The following PLEKHM3 variants were observed in gnomAD, a reference collection of about 807,000 sequenced individuals.
The protein encoded by PLEKHM3 is pleckstrin homology domain-containing family M member 3.
Under a neutral mutation model 81.8 loss-of-function variants are expected in PLEKHM3, and 45 were observed. The ratio of observed to expected loss-of-function variants is 0.55; its 90% CI spans 0.43 to 0.71. The LOEUF (loss-of-function observed/expected upper bound fraction) is 0.71. Among genes scored for constraint, PLEKHM3 ranks in the 30% least tolerant of loss-of-function variants. The pLI is 0.00. For synonymous variants in PLEKHM3, 352 were observed against 356.4 expected (o/e 0.99, Z 0.14); for missense variants, 788 against 924.3 (o/e 0.85, Z 1.91).
At chr2:207,971,396 T>G (rs1158862692) in intron 3 of PLEKHM3, among the ~76,000 whole-genome samples, 1 of 152,178 alleles carries the variant, frequency 6.6e-6, no homozygotes, top group Non-Finnish European at 1.5e-5. Flanking sequence ...ATACGTAGTT[T>G]CAAATACCTA....
chr2:207,894,538 T>C (rs1263153907), intron 6 of PLEKHM3, among the ~76,000 whole-genome samples: 5 of 125,868 alleles, frequency 4.0e-5, no homozygotes, highest in South Asian at 2.4e-4. Context: ...TGGAAAGACA[T>C]GGTAGAGTTT....
chr2:207,998,038 T>G (rs1692176852), intron 2 of PLEKHM3, among the ~76,000 whole-genome samples: 1 of 152,228 alleles, frequency 6.6e-6, no homozygotes, highest in Non-Finnish European at 1.5e-5. Flanking sequence ...TGATCAGCCA[T>G]GCAATCTAGA....
At chr2:208,018,537 T>C (rs2106126880) in intron 1 of PLEKHM3, among the ~76,000 whole-genome samples, 1 of 152,112 alleles carries the variant, frequency 6.6e-6, no homozygotes, top group East Asian at 1.9e-4. Flanking sequence ...AAAATAAACA[T>C]CATTCTTGAT....
Position 207,858,531 on chromosome 2 carries a change from G to A in PLEKHM3, c.2108+2574C>T, listed in dbSNP as rs997452738. On this transcript the variant is annotated intron_variant, in intron 7 of 7. Coordinates refer to ENST00000427836, the MANE Select transcript of PLEKHM3 (RefSeq NM_001080475.3). ...GTTTTGCTGTTGCCCAGCCTGGAGT[G>A]CAGTGAGTGGCATGATCTCTGCTCA... 2.0e-5 allele frequency among the ~76,000 whole-genome samples: 3 copies of A among 150,760 alleles called. No homozygotes were observed. In the South Asian group the frequency reaches 6.3e-4, roughly 32 times the overall value.
intron 6 of PLEKHM3, among the ~76,000 whole-genome samples, chr2:207,903,841 G>T (rs1688520001): frequency 6.6e-6 from 1 of 152,240 alleles, no homozygotes; most frequent in African/African-American, 2.4e-5. Flanking sequence ...GACGCCAAAA[G>T]TTAAGGCATT....
At chr2:207,858,898 A>ACAT (rs1312797305) in intron 7 of PLEKHM3, among the ~76,000 whole-genome samples, 1 of 152,052 alleles carries the variant, frequency 6.6e-6, no homozygotes, top group Non-Finnish European at 1.5e-5. Flanking sequence ...CCACAATCTA[A>ACAT]TTCCAGAACA....
At position 207,893,387 on chromosome 2, in the gene PLEKHM3, C is replaced by G. The variant is rs1574378975; in HGVS notation, c.1950+15127G>C. Reference sequence around the variant, plus strand: ...GACCACTGACTAAAAGCTGAGTGGTCAACAATTTGTTAAATTATACACACA... The same window carrying G: ...GACCACTGACTAAAAGCTGAGTGGTGAACAATTTGTTAAATTATACACACA... On this transcript the variant is annotated intron_variant, in intron 6 of 7. Coordinates refer to ENST00000427836, the MANE Select transcript of PLEKHM3 (RefSeq NM_001080475.3). Among the ~76,000 whole-genome samples the G allele has an allele frequency of 2.0e-5, 3 of 152,102 alleles. 1 individual carries two copies. The East Asian group carries it at 5.8e-4, about 29-fold the overall frequency.
intron 7 of PLEKHM3, among the ~76,000 whole-genome samples, chr2:207,840,715 C>T (rs776475647): frequency 6.6e-6 from 1 of 151,382 alleles, no homozygotes; most frequent in East Asian, 1.9e-4. Flanking sequence ...ATCAATACTT[C>T]GTCATGTGTT....
chr2:207,857,883 C>CT (rs540460795), intron 7 of PLEKHM3, among the ~76,000 whole-genome samples: 5 of 150,210 alleles, frequency 3.3e-5, no homozygotes, highest in East Asian at 2.0e-4. Flanking sequence ...TTAGTTTGCT[C>CT]TTTTTTTTAT....
chr2:207,984,189 TTTTA>T (rs1691636957), intron 2 of PLEKHM3, among the ~76,000 whole-genome samples: 1 of 152,250 alleles, frequency 6.6e-6, no homozygotes, highest in African/African-American at 2.4e-5. Flanking sequence ...AACTCTTGTT[TTTTA>T]TTTGTTTTTC....
At position 207,822,084 on chromosome 2, in the gene PLEKHM3, C is replaced by T. The variant is rs1157447960; in HGVS notation, c.*6235G>A. On this transcript the variant is annotated 3_prime_UTR_variant, in exon 8 of 8. Transcript: ENST00000427836. ...ACTTCAGCCTCCCAAATAGCTGGGACTGTAGGCACATGCCACCATGCCCAG... is the reference window on the plus strand; with the variant it reads ...ACTTCAGCCTCCCAAATAGCTGGGATTGTAGGCACATGCCACCATGCCCAG... The T allele has an allele frequency of 1.3e-5, 2 of 152,286 alleles. No individual in the cohort carries two copies. The highest frequency in any genetic ancestry group is 2.9e-5 in the Non-Finnish European group (2 of 68,120). The allele number at this position is 152,286 out of a possible 1,614,324, so 9.4% of individuals were successfully genotyped here. A position where few individuals can be genotyped will look rare whatever the true frequency, so the allele number is the denominator to read the frequency against.
intron 6 of PLEKHM3, among the ~76,000 whole-genome samples, chr2:207,906,299 T>C (rs1465652961): frequency 6.6e-6 from 1 of 152,204 alleles, no homozygotes; most frequent in East Asian, 1.9e-4. Flanking sequence ...TAAGTAAAAA[T>C]ATACCCCTTT....
At chr2:207,924,738 C>A (rs1205870525) in intron 5 of PLEKHM3, among the ~76,000 whole-genome samples, 1 of 152,118 alleles carries the variant, frequency 6.6e-6, no homozygotes, top group African/African-American at 2.4e-5. Context: ...AACCAAGTGC[C>A]CTGAGAAAGG....
intron 7 of PLEKHM3, among the ~76,000 whole-genome samples, chr2:207,842,584 A>G (rs1354492393): frequency 7.3e-6 from 1 of 136,208 alleles, no homozygotes; most frequent in African/African-American, 3.4e-5. Flanking sequence ...ATTAACATTG[A>G]AGGAGGGAAG....
chr2:207,828,181 A>G lies in PLEKHM3; in HGVS notation c.*138T>C, dbSNP rs1158895546. On this transcript the variant is annotated 3_prime_UTR_variant, in exon 8 of 8. Transcript: ENST00000427836. ...ACGTATAGGTATTTGCGTATATATA[A>G]ATAAATATATATATCTATATCTAGT... 7.8e-6 allele frequency: 5 copies of G among 644,566 alleles called. No homozygotes were observed. In the East Asian group the frequency reaches 1.6e-4, roughly 20 times the overall value. 39.9% of individuals were successfully genotyped at this position (644,566 alleles called of 1,614,324 possible).
chr2:207,970,583 G>T (rs546498575), intron 3 of PLEKHM3, among the ~76,000 whole-genome samples: 1 of 152,298 alleles, frequency 6.6e-6, no homozygotes, highest in African/African-American at 2.4e-5. Flanking sequence ...ACAAGAGAGG[G>T]TTATTACTGT....
At chr2:207,887,051 C>G (rs1397696975) in intron 6 of PLEKHM3, among the ~76,000 whole-genome samples, 1 of 152,088 alleles carries the variant, frequency 6.6e-6, no homozygotes, top group Non-Finnish European at 1.5e-5. Context: ...ACCCTTAGAA[C>G]AGTAAACAGC....
Position 208,001,677 on chromosome 2 carries a change from T to C in PLEKHM3, c.-38A>G. On this transcript the variant is annotated 5_prime_UTR_variant, in exon 2 of 8. Transcript: ENST00000427836. ...AGGAGGCCTTAGCCTCCTAAGCTGG[T>C]TCCAGAAATGGCTTCATGAACATTC... 1 of 1,571,154 alleles carries C rather than the reference T, an allele frequency of 6.4e-7. No homozygotes were observed. The highest frequency in any genetic ancestry group is 1.9e-5 in the Admixed American group (1 of 51,284).
intron 1 of PLEKHM3, among the ~76,000 whole-genome samples, chr2:208,014,516 C>T (rs1284540750): frequency 2.0e-5 from 3 of 152,122 alleles, no homozygotes; most frequent in East Asian, 1.9e-4. Flanking sequence ...TGGTGGCAGG[C>T]GCCTGTAATC....
Sources: allele counts gnomAD v4.1 joint callset (sites outside exome capture counted in the v4.1 genomes callset), GRCh38; gene constraint gnomAD v4.1.1; transcripts MANE v1.5; gene names NCBI Gene and HGNC (gene_info 2026-07-23, HGNC 2026-07-21).